CACNA2D1: variants seen among roughly 807,000 people sequenced by gnomAD.
CACNA2D1 encodes the protein calcium voltage-gated channel auxiliary subunit alpha2delta 1.
A neutral mutation model predicts 171.5 loss-of-function variants in CACNA2D1; 53 were observed. The ratio of observed to expected loss-of-function variants is 0.31; its 90% confidence interval spans 0.25 to 0.39. The LOEUF is 0.39. CACNA2D1 is among the 10% of genes least tolerant of loss of function. The probability of loss-of-function intolerance (pLI) is 1.00; values close to 1 mark genes in which losing one functional copy is unlikely to be tolerated. For synonymous variants in CACNA2D1, 442 were observed against 443.1 expected (o/e 1.00, Z 0.03); for missense variants, 903 against 1,299.8 (o/e 0.69, Z 4.69).
rs149040861 is a variant in CACNA2D1 at position 82,372,639 on chromosome 7, A to C, written c.96-22990T>G. 4.5e-3 allele frequency among the ~76,000 whole-genome samples: 645 copies of C among 144,542 alleles called. 6 individuals carry two copies. The highest frequency in any genetic ancestry group is 0.015 in the African/African-American group (610 of 40,274). The allele number at this position is 144,542 out of a possible 152,430, so 94.8% of individuals were successfully genotyped here. A position where few individuals can be genotyped will look rare whatever the true frequency, so the allele number is the denominator to read the frequency against. On this transcript the variant is annotated intron_variant, in intron 1 of 38. Transcript: ENST00000356860. ...AGATTTTTATTTTCTAATCTTACCT[A>C]AGACATAAAAGAGAATAATTTTATT... is the stretch of plus-strand genomic sequence containing the variant.
intron 24 of CACNA2D1, among the ~76,000 whole-genome samples, chr7:81,976,494 T>C (rs1795855831): frequency 1.3e-5 from 2 of 152,198 alleles, no homozygotes; most frequent in Non-Finnish European, 2.9e-5. Context: ...AGGTATTTTA[T>C]TCTGTTTGTA....
chr7:81,967,152 T>C lies in CACNA2D1; in HGVS notation c.2502+17A>G, dbSNP rs761831201. 5.7e-6 allele frequency: 9 copies of C among 1,592,330 alleles called. No homozygotes were observed. The South Asian group carries it at 8.9e-5, about 16-fold the overall frequency. On this transcript the variant is annotated intron_variant, in intron 31 of 38. Coordinates refer to ENST00000356860, the MANE Select transcript of CACNA2D1 (RefSeq NM_000722.4). ...GGAAATATTGTACTCAAAAGTGATT[T>C]TAAATAGTTTTCTTACGTCACTGTT... is the stretch of plus-strand genomic sequence containing the variant.
intron 38 of CACNA2D1, among the ~76,000 whole-genome samples, chr7:81,951,969 G>GTTTTT (rs774805421): frequency 0.02 from 1,439 of 71,798 alleles, 24 homozygotes; most frequent in Non-Finnish European, 0.025. Context: ...TGTACAAAGT[G>GTTTTT]TTTTTTTTTT....
At chr7:82,158,051 G>C (rs1294106461) in intron 4 of CACNA2D1, among the ~76,000 whole-genome samples, 1 of 151,722 alleles carries the variant, frequency 6.6e-6, no homozygotes, top group Non-Finnish European at 1.5e-5. Flanking sequence ...GTTTACATAT[G>C]AAAACATGTT....
At chr7:82,023,622 T>A (rs943702644) in intron 12 of CACNA2D1, among the ~76,000 whole-genome samples, 1 of 151,684 alleles carries the variant, frequency 6.6e-6, no homozygotes, top group Non-Finnish European at 1.5e-5. Context: ...TTTCAAGATG[T>A]TGTAATTTTT....
chr7:82,105,398 C>CTTTTTTTTTTTTTTTTTTTTTT (rs572031121), intron 6 of CACNA2D1, among the ~76,000 whole-genome samples: 1 of 99,486 alleles, frequency 1.0e-5, no homozygotes, highest in African/African-American at 3.9e-5. Context: ...CAGTTTTTGT[C>CTTTTTTTTTTTTTTTTTTTTTT]TTTTTTTTTT....
intron 22 of CACNA2D1, among the ~76,000 whole-genome samples, chr7:81,983,591 G>A (rs1286222146): frequency 6.6e-6 from 1 of 152,110 alleles, no homozygotes; most frequent in African/African-American, 2.4e-5. Context: ...TTTGCAAAGT[G>A]ATTAATGCAG....
At chr7:82,343,122 A>G (rs978147114) in intron 2 of CACNA2D1, 1 of 152,212 alleles carries the variant, frequency 6.6e-6, no homozygotes, top group African/African-American at 2.4e-5. Context: ...TAATTTTCCA[A>G]TGATAACTAT....
intron 3 of CACNA2D1, among the ~76,000 whole-genome samples, chr7:82,238,213 T>C (rs920412557): frequency 1.3e-4 from 20 of 152,026 alleles, no homozygotes; most frequent in African/African-American, 4.1e-4. Context: ...ACATGTAACA[T>C]ACCCACACTT....
intron 6 of CACNA2D1, among the ~76,000 whole-genome samples, chr7:82,110,319 A>G (rs1486812973): frequency 6.6e-6 from 1 of 152,096 alleles, no homozygotes; most frequent in East Asian, 1.9e-4. Context: ...TGGAGCACCT[A>G]CAATAGGATT....
intron 4 of CACNA2D1, among the ~76,000 whole-genome samples, chr7:82,161,257 A>T (rs555574501): frequency 6.6e-6 from 1 of 152,036 alleles, no homozygotes; most frequent in African/African-American, 2.4e-5. Context: ...AAAGAAAGAC[A>T]TGAGGGAAGG....
chr7:82,415,229 G>A (rs767269438), intron 1 of CACNA2D1, among the ~76,000 whole-genome samples: 14 of 152,092 alleles, frequency 9.2e-5, no homozygotes, highest in Admixed American at 5.2e-4. Flanking sequence ...AAGTCTGCAA[G>A]TTGCATAAAA....
At chr7:82,389,224 A>G (rs763806566) in intron 1 of CACNA2D1, among the ~76,000 whole-genome samples, 72 of 150,160 alleles carry the variant, frequency 4.8e-4, no homozygotes, top group Non-Finnish European at 9.0e-4. Flanking sequence ...GGTAAACAAG[A>G]AAACAAGGAT....
At chr7:82,181,937 G>C (rs1458247754) in intron 3 of CACNA2D1, among the ~76,000 whole-genome samples, 2 of 152,086 alleles carry the variant, frequency 1.3e-5, no homozygotes, top group Admixed American at 6.5e-5. Flanking sequence ...ATGTATATTG[G>C]AAATGTTATT....
chr7:82,104,741 T>C (rs1226680086), intron 6 of CACNA2D1, among the ~76,000 whole-genome samples: 2 of 152,048 alleles, frequency 1.3e-5, no homozygotes, highest in Non-Finnish European at 2.9e-5. Context: ...AATCAACTAA[T>C]AGAGTAAATA....
intron 3 of CACNA2D1, among the ~76,000 whole-genome samples, chr7:82,259,890 G>A (rs529842190): frequency 6.6e-6 from 1 of 152,282 alleles, no homozygotes; most frequent in South Asian, 2.1e-4. Context: ...TATAATTATA[G>A]TAGGTATGTT....
intron 1 of CACNA2D1, among the ~76,000 whole-genome samples, chr7:82,432,984 G>A (rs373855853): frequency 1.3e-5 from 2 of 152,072 alleles, no homozygotes; most frequent in East Asian, 1.9e-4. Context: ...TCAGGAGTTC[G>A]AGACCAGCCT....
chr7:82,316,662 T>G (rs1279183059), intron 3 of CACNA2D1, among the ~76,000 whole-genome samples: 1 of 152,160 alleles, frequency 6.6e-6, no homozygotes, highest in Non-Finnish European at 1.5e-5. Flanking sequence ...TAAAGACATA[T>G]CCAAGACTGG....
At chr7:82,090,316 GGACT>G (rs764369411) in intron 6 of CACNA2D1, among the ~76,000 whole-genome samples, 19 of 152,058 alleles carry the variant, frequency 1.2e-4, no homozygotes, top group Middle Eastern at 6.8e-3. Flanking sequence ...ACATTTGTTA[GGACT>G]TACTGAAAAT....
Sources: gnomAD v4.1 joint callset for allele counts (sites outside exome capture counted in the v4.1 genomes callset) on GRCh38, gnomAD v4.1.1 for gene constraint, MANE v1.5 for transcripts, NCBI Gene and HGNC (gene_info 2026-07-23, HGNC 2026-07-21) for gene names.